Variants in FBXL18 observed in about 807,000 individuals in gnomAD.
The protein encoded by FBXL18 is F-box and leucine rich repeat protein 18.
In FBXL18, 36 loss-of-function variants were observed where a neutral mutation model predicts 46.0. The observed-to-expected ratio is 0.78, with a 90% confidence interval of 0.60 to 1.03. The LOEUF (loss-of-function observed/expected upper bound fraction) is 1.03, where lower values mean the gene tolerates loss of function less well. Ranked by LOEUF, FBXL18 falls within the 50% of genes least tolerant of loss-of-function variation. The pLI is 0.00. For missense variants in FBXL18, 977 were observed against 1,004.1 expected, an observed-to-expected ratio of 0.97 and a Z score of 0.36; for synonymous variants, 557 against 465.3, an observed-to-expected ratio of 1.20 and a Z score of -2.54.
At chr7:5,509,743 C>A (rs1338459109) in intron 1 of FBXL18, among the ~76,000 whole-genome samples, 1 of 150,200 alleles carries the variant, frequency 6.7e-6, no homozygotes, top group Non-Finnish European at 1.5e-5. Flanking sequence ...TCAGGCCAGA[C>A]CCCTGATGCA....
intron 4 of FBXL18, chr7:5,489,802 A>T (rs1285889010): frequency 3.3e-6 from 1 of 304,598 alleles, no homozygotes; most frequent in Admixed American, 4.6e-5. Context: ...AGAAAAATAC[A>T]AAAATTAGCC....
chr7:5,455,632 C>T lies in FBXL18; in HGVS notation c.2001-7789G>A, dbSNP rs1783161771. On this transcript the variant is annotated intron_variant and NMD_transcript_variant, in intron 4 of 6. Transcript: ENST00000415009. The surrounding 1 kb of genome is among the most constrained non-coding windows in gnomAD (Gnocchi z 4.6). ...GCCAAGTCGGTCCTGAGAAGATCCT[C>T]CGGGATTGCTGACCATCCACTTCCC... is the stretch of plus-strand genomic sequence containing the variant. Among the ~76,000 whole-genome samples, 1 of 152,110 alleles carries T rather than the reference C, an allele frequency of 6.6e-6. No individual in the cohort carries two copies. The highest frequency in any genetic ancestry group is 2.4e-5 in the African/African-American group (1 of 41,406).
intron 3 of FBXL18, among the ~76,000 whole-genome samples, chr7:5,494,212 C>T (rs892612269): frequency 6.6e-5 from 10 of 151,312 alleles, no homozygotes; most frequent in South Asian, 2.1e-4. Flanking sequence ...GCAGAGGTTG[C>T]GGTGAGCCAA....
At chr7:5,512,741 A>C (rs576898778) in intron 1 of FBXL18, among the ~76,000 whole-genome samples, 5 of 152,198 alleles carry the variant, frequency 3.3e-5, no homozygotes, top group African/African-American at 9.6e-5. Context: ...AATCTTATCA[A>C]TCTGCAGTTG....
Position 5,483,912 on chromosome 7 carries a change from GC to G in FBXL18, c.2001-1982del, listed in dbSNP as rs371577993. Among the ~76,000 whole-genome samples the G allele has an allele frequency of 4.2e-3, 642 of 152,288 alleles. 2 individuals are homozygous for G. The highest frequency in any genetic ancestry group is 0.014 in the African/African-American group (590 of 41,560). On this transcript the variant is annotated intron_variant, in intron 4 of 4. Transcript: ENST00000382368. ...AGAGGACGACGGGGTCCAGCCTCTCGCTGTGACCCTGCCTGAGGTGGTGCTG... is the reference window on the plus strand; with the variant it reads ...AGAGGACGACGGGGTCCAGCCTCTCGTGTGACCCTGCCTGAGGTGGTGCTG...
At chr7:5,472,082 T>C (rs963837071), downstream of FBXL18, among the ~76,000 whole-genome samples, 3 of 152,096 alleles carry the variant, frequency 2.0e-5, no homozygotes, top group Admixed American at 6.6e-5. Flanking sequence ...AGCAAGACCC[T>C]ATCTCAAAAC....
rs868848366 is a variant in FBXL18 at position 5,493,057 on chromosome 7, G to A, written c.1782-1608C>T. On this transcript the variant is annotated intron_variant, in intron 3 of 4. Coordinates refer to ENST00000382368, the MANE Select transcript of FBXL18 (RefSeq NM_024963.6). ...TGACACAAAAAGACCAAGTCACGGC[G>A]GGCATGGTGGCTCACACTTATAATC... 1.2e-4 allele frequency among the ~76,000 whole-genome samples: 19 copies of A among 152,274 alleles called. No homozygotes were observed. In the South Asian group the frequency reaches 2.1e-3, roughly 17 times the overall value.
At chr7:5,459,409 C>T (rs971959078) in intron 4 of FBXL18, among the ~76,000 whole-genome samples, 29 of 152,264 alleles carry the variant, frequency 1.9e-4, no homozygotes, top group Middle Eastern at 3.4e-3. Context: ...TTGAGATCAG[C>T]CTGACCAACA....
downstream of FBXL18, among the ~76,000 whole-genome samples, chr7:5,473,957 C>A (rs535668055): frequency 6.6e-6 from 1 of 151,878 alleles, no homozygotes; most frequent in Non-Finnish European, 1.5e-5. Flanking sequence ...ACACCATGCC[C>A]GGCTAATTTT....
At chr7:5,468,275 G>A (rs1014306813) in intron 4 of FBXL18, among the ~76,000 whole-genome samples, 4 of 151,928 alleles carry the variant, frequency 2.6e-5, no homozygotes, top group East Asian at 1.9e-4. Flanking sequence ...GACCCACTGC[G>A]CCGAGCCCTG....
downstream of FBXL18, among the ~76,000 whole-genome samples, chr7:5,474,955 G>A (rs1378118115): frequency 1.3e-5 from 2 of 148,826 alleles, no homozygotes; most frequent in African/African-American, 4.9e-5. Flanking sequence ...TGATCCGCCC[G>A]CCTCGGCCTC....
chr7:5,496,084 G>A lies in FBXL18; in HGVS notation c.1781+4404C>T, dbSNP rs980478545. On this transcript the variant is annotated intron_variant, in intron 3 of 4. Transcript: ENST00000382368. The surrounding 1 kb of genome is among the most constrained non-coding windows in gnomAD (Gnocchi z 4.8). ...TCCGTCCCAGACTCCGGAGGCCATC[G>A]GGGACCATGAAATCACGCTGACCTC... Among the ~76,000 whole-genome samples the A allele has an allele frequency of 1.3e-5, 2 of 152,184 alleles. No individual in the cohort carries two copies. Among genetic ancestry groups the A allele is most frequent in the African/African-American group, 2.4e-5 (1 of 41,440 alleles).
chr7:5,475,260 A>G (rs1783491086), downstream of FBXL18, among the ~76,000 whole-genome samples: 2 of 151,870 alleles, frequency 1.3e-5, no homozygotes, highest in South Asian at 4.1e-4. The surrounding 1 kb of genome is among the most constrained non-coding windows in gnomAD (Gnocchi z 4.2). Flanking sequence ...AGGCGGAGGT[A>G]GCAGTGAGCT....
chr7:5,498,269 A>G (rs1382601107), intron 3 of FBXL18, among the ~76,000 whole-genome samples: 1 of 151,444 alleles, frequency 6.6e-6, no homozygotes, highest in Admixed American at 6.6e-5. Context: ...TTGTATTTTT[A>G]GTAGAGACGG....
rs761703150 is a variant in FBXL18, at chr7:5,491,218, C to T, written c.2000+13G>A. 2.5e-6 allele frequency: 4 copies of T among 1,604,202 alleles called. No homozygotes were observed. In the South Asian group the frequency reaches 3.4e-5, roughly 13 times the overall value. On this transcript the variant is annotated intron_variant, in intron 4 of 4. Coordinates refer to ENST00000382368, the MANE Select transcript of FBXL18 (RefSeq NM_024963.6). ...TGCGGCCCCTGAAGCTGTACGCAAC[C>T]CACATCACTCACCTGCGGAGAAGCG...
At chr7:5,510,918 A>G (rs768991103) in intron 1 of FBXL18, among the ~76,000 whole-genome samples, 55 of 152,248 alleles carry the variant, frequency 3.6e-4, no homozygotes, top group Non-Finnish European at 6.5e-4. Context: ...GCACACTAGG[A>G]ACCACCGGCT....
At chr7:5,492,660 G>T (rs1019328266) in intron 3 of FBXL18, among the ~76,000 whole-genome samples, 16 of 152,168 alleles carry the variant, frequency 1.1e-4, no homozygotes, top group Middle Eastern at 3.4e-3. Context: ...CCTGCATGAT[G>T]GGGACTCTAA....
chr7:5,496,892 A>G lies in FBXL18; in HGVS notation c.1781+3596T>C, dbSNP rs1013226250. 3.9e-5 allele frequency among the ~76,000 whole-genome samples: 6 copies of G among 151,936 alleles called. No individual in the cohort carries two copies. Among genetic ancestry groups the G allele is most frequent in the Non-Finnish European group, 7.4e-5 (5 of 67,980 alleles). On this transcript the variant is annotated intron_variant, in intron 3 of 4. Transcript: ENST00000382368. This position sits in a 1 kb window ranked among gnomAD's most constrained non-coding sequence, Gnocchi z 4.8. ...AATACAAAAAAAAAATTAGCCGAGTATGGTGGTGGGCACCTGTAATCCCAG... is the reference window on the plus strand; with the variant it reads ...AATACAAAAAAAAAATTAGCCGAGTGTGGTGGTGGGCACCTGTAATCCCAG...
intron 1 of FBXL18, among the ~76,000 whole-genome samples, chr7:5,512,185 C>A (rs1464607198): frequency 6.8e-6 from 1 of 146,830 alleles, no homozygotes; most frequent in Non-Finnish European, 1.5e-5. Context: ...GCGGAGCTTG[C>A]AATGAGCCGA....
Sources: gnomAD v4.1 joint callset for allele counts (sites outside exome capture counted in the v4.1 genomes callset) on GRCh38, gnomAD v4.1.1 for gene constraint, Gnocchi (gnomAD v3.1) non-coding constraint, MANE v1.5 for transcripts, NCBI Gene and HGNC (gene_info 2026-07-23, HGNC 2026-07-21) for gene names.